Variants in HENMT1 observed in about 807,000 individuals in gnomAD.
HENMT1 encodes HEN methyltransferase 1, also known as small RNA 2'-O-methyltransferase.
In HENMT1, 27 loss-of-function variants were observed where a neutral mutation model predicts 31.1. The ratio of observed to expected loss-of-function variants is 0.87; its 90% CI spans 0.64 to 1.20. HENMT1 has a LOEUF of 1.20. Ranked by LOEUF, HENMT1 falls within the 50% of genes most tolerant of loss-of-function variation. The pLI, the probability that HENMT1 is intolerant of heterozygous loss-of-function variation, is 0.00. For missense variants in HENMT1, 438 were observed against 469.6 expected (o/e 0.93, Z 0.62); for synonymous variants, 167 against 172.2 (o/e 0.97, Z 0.24).
In HENMT1 at chr1:108,653,505, G is replaced by T. The variant is rs563637006; in HGVS notation, c.398+1211C>A. 4.0e-4 allele frequency among the ~76,000 whole-genome samples: 61 copies of T among 152,182 alleles called. 1 individual carries two copies. In the East Asian group the frequency reaches 0.012, roughly 29 times the overall value. On this transcript the variant is annotated intron_variant, in intron 5 of 7. Coordinates refer to ENST00000651461, the MANE Select transcript of HENMT1 (RefSeq NM_001102592.2). ...ATGGCAGTTCTATTTTCAGTTTTTT[G>T]AAAAACCTCCACACTGTTTTCAATA...
chr1:108,658,828 A>G (rs1658349952), intron 2 of HENMT1, among the ~76,000 whole-genome samples: 1 of 152,224 alleles, frequency 6.6e-6, no homozygotes. Flanking sequence ...GACCCCAAGA[A>G]AAAACAGAAT....
rs75894606 is a variant in HENMT1, at chr1:108,655,521, C to G, written c.263+65G>C. On this transcript the variant is annotated intron_variant, in intron 4 of 7. Transcript: ENST00000651461. ...AAAACAAATATAAAATCAACACTTT[C>G]TCTAAACTCAATAATGCCATTAGTT... 7.1e-3 allele frequency: 6,521 copies of G among 922,436 alleles called. 39 individuals are homozygous for G. The highest frequency in any genetic ancestry group is 0.014 in the East Asian group (530 of 36,856). The allele number at this position is 922,436 out of a possible 1,614,324, so 57.1% of individuals were successfully genotyped here. A position where few individuals can be genotyped will look rare whatever the true frequency, so the allele number is the denominator to read the frequency against.
chr1:108,657,041 G>C (rs746909878), intron 3 of HENMT1, among the ~76,000 whole-genome samples: 1 of 152,140 alleles, frequency 6.6e-6, no homozygotes, highest in Non-Finnish European at 1.5e-5. Flanking sequence ...AAGATTCCTT[G>C]TGTTTCCATT....
intron 2 of HENMT1, among the ~76,000 whole-genome samples, chr1:108,658,936 T>C (rs1032759586): frequency 1.3e-5 from 2 of 152,216 alleles, no homozygotes; most frequent in African/African-American, 4.8e-5. Flanking sequence ...CACTGTCCAA[T>C]AGATAAAATA....
chr1:108,654,464 A>G lies in HENMT1; in HGVS notation c.398+252T>C, dbSNP rs573605406. Reference sequence around the variant, plus strand: ...GAGGGTGCAATGTACAAATGATTTAAAAAGTGAGATGTTAACATCTGGATA... The same window carrying G: ...GAGGGTGCAATGTACAAATGATTTAGAAAGTGAGATGTTAACATCTGGATA... On this transcript the variant is annotated intron_variant, in intron 5 of 7. Transcript: ENST00000651461. Among the ~76,000 whole-genome samples the G allele has an allele frequency of 8.7e-4, 133 of 152,318 alleles. 1 individual carries two copies. The highest frequency in any genetic ancestry group is 1.2e-3 in the Non-Finnish European group (85 of 68,030).
chr1:108,661,409 C>CG (rs1658481267), upstream of HENMT1: 1 of 152,294 alleles, frequency 6.6e-6, no homozygotes, highest in Admixed American at 6.5e-5. Flanking sequence ...CGGCACGGTA[C>CG]GGCAGCTGTT....
intron 2 of HENMT1, 95 bp downstream of exon 2, chr1:108,659,769 C>T: frequency 1.3e-6 from 1 of 787,130 alleles, no homozygotes. Flanking sequence ...AATGCTAGGA[C>T]CTAAATGTGA....
Position 108,648,855 on chromosome 1 carries a change from C to T in HENMT1, c.893G>A (p.Gly298Asp), listed in dbSNP as rs746313657. Residue 298 changes from glycine to aspartate, a missense_variant, in exon 8 of 8, where the codon GGT becomes GAT. Gly to Asp is a moderately conservative substitution (Grantham distance 94, BLOSUM62 -1). Coordinates refer to ENST00000651461, the MANE Select transcript of HENMT1 (RefSeq NM_001102592.2). ...PRRKEQAGER[G>D]DKPKDIGGSK... is the part of the protein sequence containing the mutation. ...GCCACCAATGTCTTTGGGCTTATCACCCCGTTCCCCAGCCTGTTCTTTCCG... is the reference window on the plus strand; with the variant it reads ...GCCACCAATGTCTTTGGGCTTATCATCCCGTTCCCCAGCCTGTTCTTTCCG... 6.2e-6 allele frequency: 10 copies of T among 1,614,202 alleles called. No individual in the cohort carries two copies. The highest frequency in any genetic ancestry group is 4.4e-5 in the South Asian group (4 of 91,080).
At chr1:108,649,461 CA>C (rs1005869044) in intron 7 of HENMT1, 6 of 436,830 alleles carry the variant, frequency 1.4e-5, no homozygotes, top group African/African-American at 4.1e-5. Context: ...AAAAACAAAA[CA>C]AAAAAAAGCT....
At position 108,661,022 on chromosome 1, in the gene HENMT1, C is replaced by A; in HGVS notation, c.-138G>T. ...GCTTCCATCATCCTGCGGTAAGCAG[C>A]ATGCCCAACCGAAAAAACAAAGCTC... On this transcript the variant is annotated 5_prime_UTR_variant, in exon 1 of 8. It removes an upstream start codon present in the reference 5' UTR. Transcript: ENST00000651461. 1 of 984,922 alleles carries A rather than the reference C, an allele frequency of 1.0e-6. No individual in the cohort carries two copies. The highest frequency in any genetic ancestry group is 4.7e-5 in the South Asian group (1 of 21,276). The allele number at this position is 984,922 out of a possible 1,614,324, so 61.0% of individuals were successfully genotyped here.
At position 108,648,929 on chromosome 1, in the gene HENMT1, A is replaced by G; in HGVS notation, c.819T>C (p.Asn273=). Residue 273 remains asparagine (N), a synonymous_variant, in exon 8 of 8, where the codon AAT becomes AAC. Coordinates refer to ENST00000651461, the MANE Select transcript of HENMT1 (RefSeq NM_001102592.2). The part of the protein sequence containing the change: ...QERFFKLVLV[N]EVSQQVESLR... ...AGCTTTCCACTTGTTGGGACACCTC[A>G]TTAACCAACACAAGTTTAAAGAACC... 6.2e-7 allele frequency: 1 copy of G among 1,613,748 alleles called. No individual in the cohort carries two copies. Among genetic ancestry groups the G allele is most frequent in the African/African-American group, 1.3e-5 (1 of 75,040 alleles).
intron 1 of HENMT1, among the ~76,000 whole-genome samples, chr1:108,660,476 G>A (rs1658418464): frequency 6.6e-6 from 1 of 151,974 alleles, no homozygotes; most frequent in African/African-American, 2.4e-5. Context: ...ATTTCGAGGG[G>A]GAAAAAAAGT....
intron 5 of HENMT1, 120 bp downstream of exon 5, chr1:108,654,592 CCCAA>C: frequency 2.2e-6 from 2 of 903,568 alleles, no homozygotes; most frequent in East Asian, 2.7e-5. Context: ...AAAAGATATT[CCCAA>C]CCAATGAGCA....
rs537657118 is a variant in HENMT1, at chr1:108,658,690, C to T, written c.22-1111G>A. Among the ~76,000 whole-genome samples, 27 of 152,340 alleles carry T rather than the reference C, an allele frequency of 1.8e-4. No individual in the cohort carries two copies. The South Asian group carries it at 1.9e-3, about 11-fold the overall frequency. Reference sequence around the variant, plus strand: ...TAGCCCAGTTTTAATAAGAATACTTCTAAGTCAGTTTAGACAGAATCTTCT... The same window carrying T: ...TAGCCCAGTTTTAATAAGAATACTTTTAAGTCAGTTTAGACAGAATCTTCT... On this transcript the variant is annotated intron_variant, in intron 2 of 7. Coordinates refer to ENST00000651461, the MANE Select transcript of HENMT1 (RefSeq NM_001102592.2).
Position 108,648,357 on chromosome 1 carries a change from G to A in HENMT1, c.*209C>T. The A allele has an allele frequency of 1.9e-6, 1 of 533,714 alleles. No homozygotes were observed. The highest frequency in any genetic ancestry group is 3.3e-6 in the Non-Finnish European group (1 of 304,072). 33.1% of individuals were successfully genotyped at this position (533,714 alleles called of 1,614,324 possible). On this transcript the variant is annotated 3_prime_UTR_variant, in exon 8 of 8. Coordinates refer to ENST00000651461, the MANE Select transcript of HENMT1 (RefSeq NM_001102592.2). ...AAAACAAAAAAGTCCAAAATCAAAGGAAAGCACCCGTTTTAAACCCTCATA... is the reference window on the plus strand; with the variant it reads ...AAAACAAAAAAGTCCAAAATCAAAGAAAAGCACCCGTTTTAAACCCTCATA...
chr1:108,653,421 TC>T (rs1658118510), intron 5 of HENMT1, among the ~76,000 whole-genome samples: 1 of 152,214 alleles, frequency 6.6e-6, no homozygotes, highest in African/African-American at 2.4e-5. Flanking sequence ...ACATCTCTCT[TC>T]AATATAACTG....
chr1:108,661,212 C>A (rs539089756), upstream of HENMT1: 3 of 153,594 alleles, frequency 2.0e-5, no homozygotes, highest in South Asian at 4.1e-4. Context: ...CGGCCTTGGG[C>A]CCCGGGAGCC....
At position 108,648,435 on chromosome 1, in the gene HENMT1, T is replaced by C. The variant is rs1657938141; in HGVS notation, c.*131A>G. On this transcript the variant is annotated 3_prime_UTR_variant, in exon 8 of 8. Coordinates refer to ENST00000651461, the MANE Select transcript of HENMT1 (RefSeq NM_001102592.2). ...CCATATCTCAAGCAGGTCTGTCCAA[T>C]GGCTTGGAACATAGACTTTTGCAGT... The C allele has an allele frequency of 3.9e-6, 3 of 774,596 alleles. No individual in the cohort carries two copies. The South Asian group carries it at 5.6e-5, about 14-fold the overall frequency. 48.0% of individuals were successfully genotyped at this position (774,596 alleles called of 1,614,324 possible).
chr1:108,656,012 C>A (rs4970799), intron 3 of HENMT1, among the ~76,000 whole-genome samples: 1 of 152,078 alleles, frequency 6.6e-6, no homozygotes, highest in South Asian at 2.1e-4. Context: ...GAAACAATTA[C>A]GTACACACAG....
Sources: allele counts gnomAD v4.1 joint callset (sites outside exome capture counted in the v4.1 genomes callset), GRCh38; gene constraint gnomAD v4.1.1; transcripts MANE v1.5; gene names NCBI Gene and HGNC (gene_info 2026-07-23, HGNC 2026-07-21).